ROBO1: variants seen among roughly 807,000 people sequenced by gnomAD.
ROBO1 encodes the protein roundabout guidance receptor 1.
Under a neutral mutation model 195.9 loss-of-function variants are expected in ROBO1, and 149 were observed. The ratio of observed to expected loss-of-function variants is 0.76; its 90% CI spans 0.67 to 0.87. ROBO1 has a LOEUF of 0.87. Ranked by LOEUF, ROBO1 falls within the 40% of genes least tolerant of loss-of-function variation. ROBO1 has a pLI of 0.00. For missense variants in ROBO1, 1,933 were observed against 2,068.3 expected, an observed-to-expected ratio of 0.93 and a Z score of 1.27; for synonymous variants, 816 against 733.2, an observed-to-expected ratio of 1.11 and a Z score of -1.82.
chr3:78,680,813 C>A (rs913420586), intron 10 of ROBO1, among the ~76,000 whole-genome samples: 5 of 148,488 alleles, frequency 3.4e-5, no homozygotes, highest in Non-Finnish European at 4.5e-5. Context: ...TACCATTTGA[C>A]CCAGCCATCC....
rs1417960848 is a variant in ROBO1 at position 78,781,659 on chromosome 3, A to G, written c.500-34759T>C. 1.6e-4 allele frequency among the ~76,000 whole-genome samples: 24 copies of G among 152,068 alleles called. 1 individual carries two copies. The highest frequency in any genetic ancestry group is 1.6e-3 in the Admixed American group (24 of 15,252). ...TTTGAAAGGCAGCCTGGTGATTCCA[A>G]TATACAGATAAGGTTGAGAACAACT... On this transcript the variant is annotated intron_variant, in intron 4 of 30. Transcript: ENST00000464233.
At chr3:79,267,558 T>G (rs2108960137) in intron 2 of ROBO1, among the ~76,000 whole-genome samples, 1 of 151,324 alleles carries the variant, frequency 6.6e-6, no homozygotes, top group Non-Finnish European at 1.5e-5. Context: ...TTTTTTTTTT[T>G]TTGTCACTTC....
At chr3:79,120,828 T>C (rs1431882125) in intron 3 of ROBO1, among the ~76,000 whole-genome samples, 4 of 152,174 alleles carry the variant, frequency 2.6e-5, no homozygotes, top group African/African-American at 9.6e-5. Context: ...CATCTAAGGA[T>C]AGTTTGCTTA....
intron 3 of ROBO1, among the ~76,000 whole-genome samples, chr3:78,979,086 C>T (rs1263513212): frequency 1.3e-5 from 2 of 152,124 alleles, no homozygotes; most frequent in African/African-American, 4.8e-5. Flanking sequence ...GTGAATGTTT[C>T]CCCAGACTGC....
intron 10 of ROBO1, among the ~76,000 whole-genome samples, chr3:78,676,628 A>G (rs1708448914): frequency 6.6e-6 from 1 of 152,126 alleles, no homozygotes; most frequent in Non-Finnish European, 1.5e-5. Context: ...TTAGAGAAAA[A>G]AGAATAAAAA....
intron 1 of ROBO1, among the ~76,000 whole-genome samples, chr3:79,738,743 T>A (rs1703497695): frequency 1.3e-5 from 2 of 152,194 alleles, no homozygotes; most frequent in South Asian, 4.1e-4. Context: ...GCTACTGCAT[T>A]GTGTATTTAA....
chr3:79,762,585 C>T (rs1377276278), intron 1 of ROBO1, among the ~76,000 whole-genome samples: 2 of 132,960 alleles, frequency 1.5e-5, no homozygotes, highest in Non-Finnish European at 3.3e-5. Context: ...AAAGTGAGAA[C>T]CATTTGGGGC....
At chr3:78,751,298 A>G (rs1301610995) in intron 4 of ROBO1, among the ~76,000 whole-genome samples, 4 of 128,044 alleles carry the variant, frequency 3.1e-5, no homozygotes, top group Non-Finnish European at 6.2e-5. Flanking sequence ...ATAAATAGTA[A>G]TAATAATAAT....
At chr3:79,256,458 G>T (rs1173877539) in intron 2 of ROBO1, among the ~76,000 whole-genome samples, 2 of 152,106 alleles carry the variant, frequency 1.3e-5, no homozygotes, top group African/African-American at 2.4e-5. Context: ...TGTATACAAG[G>T]TGATGGAAAT....
At chr3:79,092,499 T>A (rs1161746768) in intron 3 of ROBO1, among the ~76,000 whole-genome samples, 1 of 152,142 alleles carries the variant, frequency 6.6e-6, no homozygotes, top group South Asian at 2.1e-4. Context: ...ATTGAAGGAA[T>A]TAGTCTTTGT....
intron 2 of ROBO1, among the ~76,000 whole-genome samples, chr3:79,224,722 A>AT (rs1278106845): frequency 6.6e-6 from 1 of 152,120 alleles, no homozygotes; most frequent in African/African-American, 2.4e-5. Context: ...CTGTCTATTA[A>AT]TTTACATGTG....
In ROBO1 at chr3:79,451,082, C is replaced by T. The variant is rs142337397; in HGVS notation, c.88+138742G>A. Among the ~76,000 whole-genome samples the T allele has an allele frequency of 2.4e-3, 371 of 152,002 alleles. 3 individuals carry two copies. In the Middle Eastern group the frequency reaches 0.032, roughly 13 times the overall value. ...TTCTTGTCTTTTTAGATTATTACTACACTTTATATGACATATTTTACCGTA... is the reference window on the plus strand; with the variant it reads ...TTCTTGTCTTTTTAGATTATTACTATACTTTATATGACATATTTTACCGTA... On this transcript the variant is annotated intron_variant, in intron 2 of 30. Transcript: ENST00000464233.
rs151316213 is a variant in ROBO1, at chr3:79,307,324, T to C, written c.89-181785A>G. ...TTTTTTTAATGAAATAAAAACCCTATGCATTTCAGAAAGAAAAAAATGTGT... is the reference window on the plus strand; with the variant it reads ...TTTTTTTAATGAAATAAAAACCCTACGCATTTCAGAAAGAAAAAAATGTGT... On this transcript the variant is annotated intron_variant, in intron 2 of 30. Coordinates refer to ENST00000464233, the MANE Select transcript of ROBO1 (RefSeq NM_002941.4). Among the ~76,000 whole-genome samples the C allele has an allele frequency of 5.4e-3, 816 of 152,200 alleles. 7 individuals carry two copies. The highest frequency in any genetic ancestry group is 0.019 in the African/African-American group (775 of 41,520).
intron 2 of ROBO1, among the ~76,000 whole-genome samples, chr3:79,145,809 A>C (rs946238821): frequency 6.6e-6 from 1 of 152,004 alleles, no homozygotes; most frequent in Non-Finnish European, 1.5e-5. Flanking sequence ...TAAAGTAAAA[A>C]ACAGCACAGT....
At chr3:79,444,034 A>G (rs2039150813) in intron 2 of ROBO1, among the ~76,000 whole-genome samples, 1 of 152,088 alleles carries the variant, frequency 6.6e-6, no homozygotes, top group Admixed American at 6.6e-5. Flanking sequence ...TATTTGACAG[A>G]TTAACAATTT....
At chr3:79,072,809 C>T (rs977083488) in intron 3 of ROBO1, among the ~76,000 whole-genome samples, 5 of 151,838 alleles carry the variant, frequency 3.3e-5, no homozygotes, top group African/African-American at 9.7e-5. Context: ...TATTAATTTT[C>T]TCTCCCAAAA....
chr3:79,242,428 A>G (rs747594965), intron 2 of ROBO1, among the ~76,000 whole-genome samples: 4 of 152,188 alleles, frequency 2.6e-5, no homozygotes, highest in Non-Finnish European at 5.9e-5. Context: ...TGTTACTGTT[A>G]TGAAGCCATA....
chr3:79,300,943 AATCAGCGCC>A (rs2032912534), intron 2 of ROBO1, among the ~76,000 whole-genome samples: 1 of 152,084 alleles, frequency 6.6e-6, no homozygotes, highest in South Asian at 2.1e-4. Context: ...TAAACGCACC[AATCAGCGCC>A]CTGTCAAAAC....
chr3:78,959,286 TGAAA>T (rs2307598), intron 3 of ROBO1, among the ~76,000 whole-genome samples: 46,669 of 151,834 alleles, frequency 0.31, 8,754 homozygotes, highest in South Asian at 0.43. Flanking sequence ...GCAATATGTG[TGAAA>T]GAAAGAGATT....
Sources: allele counts gnomAD v4.1 joint callset (sites outside exome capture counted in the v4.1 genomes callset), GRCh38; gene constraint gnomAD v4.1.1; transcripts MANE v1.5; gene names NCBI Gene and HGNC (gene_info 2026-07-23, HGNC 2026-07-21).